The following IARS2 variants were observed in gnomAD, a reference collection of about 807,000 sequenced individuals.
The protein encoded by IARS2 is isoleucyl-tRNA synthetase 2, mitochondrial.
A neutral mutation model predicts 126.3 loss-of-function variants in IARS2; 56 were observed. The ratio of observed to expected loss-of-function variants is 0.44; its 90% CI spans 0.36 to 0.55. IARS2 has a LOEUF of 0.55. Among genes scored for constraint, IARS2 ranks in the 20% least tolerant of loss-of-function variants. The pLI is 0.00. For missense variants in IARS2, 1,127 were observed against 1,245.9 expected (o/e 0.90, Z 1.44); for synonymous variants, 407 against 441.1 (o/e 0.92, Z 0.97).
chr1:220,117,960 G>A (rs145979015), intron 12 of IARS2: 143 of 500,050 alleles, frequency 2.9e-4, no homozygotes, highest in African/African-American at 2.7e-3. Flanking sequence ...ATTTCTGAAT[G>A]ATGACTTTAA....
chr1:220,110,746 CTT>C, intron 10 of IARS2, 38 bp from the exon 11 acceptor site: 1 of 1,473,868 alleles, frequency 6.8e-7, no homozygotes, highest in Non-Finnish European at 9.3e-7. Context: ...TTTCACAGTA[CTT>C]TTTAATTATG....
At chr1:220,095,545 C>T (rs1249409806) in intron 1 of IARS2, among the ~76,000 whole-genome samples, 1 of 152,158 alleles carries the variant, frequency 6.6e-6, no homozygotes, top group Non-Finnish European at 1.5e-5. Context: ...AATGTTTCCT[C>T]GTTTAATCTT....
intron 14 of IARS2, among the ~76,000 whole-genome samples, chr1:220,128,904 ATT>A (rs35869552): frequency 1.4e-5 from 2 of 144,482 alleles, no homozygotes; most frequent in Admixed American, 6.9e-5. Flanking sequence ...CTAGAGTGTG[ATT>A]TTTTTTTTTT....
intron 12 of IARS2, among the ~76,000 whole-genome samples, chr1:220,122,404 T>G (rs996308920): frequency 2.0e-5 from 3 of 152,168 alleles, no homozygotes; most frequent in Non-Finnish European, 4.4e-5. Flanking sequence ...TATGCCTGGG[T>G]AAAAGAGCCT....
At chr1:220,106,910 G>A in intron 9 of IARS2, 151 bp from the exon 10 acceptor site, 1 of 598,040 alleles carries the variant, frequency 1.7e-6, no homozygotes, top group Non-Finnish European at 3.0e-6. Flanking sequence ...GGGATTATAG[G>A]CCTGAGTGCC....
At chr1:220,110,964 GT>G (rs1277994940) in intron 11 of IARS2, 27 bp downstream of exon 11, 2 of 1,606,616 alleles carry the variant, frequency 1.2e-6, no homozygotes, top group East Asian at 4.5e-5. Flanking sequence ...GTTTTAACAG[GT>G]CGGGCATATC....
intron 12 of IARS2, chr1:220,118,028 TATTA>T (rs1471866613): frequency 1.2e-5 from 5 of 430,090 alleles, no homozygotes; most frequent in Admixed American, 3.3e-5. Context: ...AGAAAATTGA[TATTA>T]ATTCTTAATC....
intron 17 of IARS2, 71 bp downstream of exon 17, chr1:220,138,114 A>C (rs191562669): frequency 1.3e-6 from 2 of 1,531,988 alleles, no homozygotes; most frequent in African/African-American, 2.7e-5. Context: ...AATGAGACAC[A>C]TTTTGTTTGG....
chr1:220,107,216 A>G, intron 10 of IARS2, 65 bp downstream of exon 10: 1 of 1,013,714 alleles, frequency 9.9e-7, no homozygotes, highest in Non-Finnish European at 1.6e-6. Flanking sequence ...AACCTTTGCT[A>G]CCTATTTTCC....
chr1:220,123,223 C>G (rs1221289807), intron 12 of IARS2, among the ~76,000 whole-genome samples: 2 of 151,516 alleles, frequency 1.3e-5, no homozygotes, highest in African/African-American at 2.4e-5. Flanking sequence ...TGTCATATAA[C>G]TAGGTAGTTA....
intron 12 of IARS2, among the ~76,000 whole-genome samples, chr1:220,120,859 A>G (rs2102829455): frequency 6.6e-6 from 1 of 152,344 alleles, no homozygotes; most frequent in East Asian, 1.9e-4. Flanking sequence ...CTAGAATCTC[A>G]TAATAGAACC....
In IARS2 at chr1:220,141,849, A is replaced by G. The variant is rs778158249; in HGVS notation, c.2461A>G (p.Thr821Ala). Residue 821 changes from threonine (T) to alanine (A), a missense_variant, in exon 20 of 23, where the codon ACT becomes GCT. Thr to Ala is a moderately conservative substitution (Grantham distance 58). Coordinates refer to ENST00000366922, the MANE Select transcript of IARS2 (RefSeq NM_018060.4). Reference protein sequence around the residue: ...ENDPKRRSCQTALVEILDVIV... With the variant: ...ENDPKRRSCQAALVEILDVIV... ...TGACCCCAAACGACGCTCTTGTCAG[A>G]CTGCATTAGTTGAAATTTTGGATGT... The G allele has an allele frequency of 6.2e-7, 1 of 1,614,158 alleles. No individual in the cohort carries two copies. The highest frequency in any genetic ancestry group is 8.5e-7 in the Non-Finnish European group (1 of 1,180,018).
intron 10 of IARS2, among the ~76,000 whole-genome samples, chr1:220,110,030 T>C (rs1028607817): frequency 5.9e-5 from 9 of 152,342 alleles, no homozygotes; most frequent in Non-Finnish European, 7.4e-5. Flanking sequence ...ACGCCTTTGA[T>C]ACCTGGAAGG....
chr1:220,094,525 A>G (rs759929445), intron 1 of IARS2, 42 bp downstream of exon 1: 1 of 1,491,572 alleles, frequency 6.7e-7, no homozygotes, highest in Non-Finnish European at 8.9e-7. Flanking sequence ...GAGAGGCCCG[A>G]TCCGGCCGCG....
intron 2 of IARS2, among the ~76,000 whole-genome samples, chr1:220,098,646 A>G (rs1207276531): frequency 1.3e-5 from 2 of 152,204 alleles, no homozygotes; most frequent in East Asian, 3.9e-4. Flanking sequence ...AAACAAAGCA[A>G]TGCATGAATA....
intron 16 of IARS2, chr1:220,137,518 A>G: frequency 6.3e-6 from 1 of 158,740 alleles, no homozygotes; most frequent in East Asian, 1.8e-4. Flanking sequence ...CCCGCCTAAC[A>G]TCCTGTAACC....
chr1:220,107,247 A>T, intron 10 of IARS2, 96 bp downstream of exon 10: 1 of 744,590 alleles, frequency 1.3e-6, no homozygotes, highest in Admixed American at 2.3e-5. Context: ...TTTAACAGAA[A>T]CAAAAAAATA....
Position 220,148,032 on chromosome 1 carries a change from T to A in IARS2, c.*397T>A, listed in dbSNP as rs893329929. The A allele has an allele frequency of 3.5e-5, 13 of 373,138 alleles. No individual in the cohort carries two copies. Among genetic ancestry groups the A allele is most frequent in the African/African-American group, 2.5e-4 (12 of 48,180 alleles). The allele number at this position is 373,138 out of a possible 1,614,324, so 23.1% of individuals were successfully genotyped here. A position where few individuals can be genotyped will look rare whatever the true frequency, so the allele number is the denominator to read the frequency against. ...TATGATACTGAAAATAAAGGCATTC[T>A]GGAAAAATACTGACTGATTTTGGTG... On this transcript the variant is annotated 3_prime_UTR_variant, in exon 23 of 23. Transcript: ENST00000366922.
At chr1:220,096,501 A>G (rs1656446100) in intron 2 of IARS2, among the ~76,000 whole-genome samples, 1 of 152,204 alleles carries the variant, frequency 6.6e-6, no homozygotes, top group Non-Finnish European at 1.5e-5. Context: ...CAGTGGACAA[A>G]AAAAAGGTAT....
Sources: gnomAD v4.1 joint callset for allele counts (sites outside exome capture counted in the v4.1 genomes callset) on GRCh38, gnomAD v4.1.1 for gene constraint, MANE v1.5 for transcripts, NCBI Gene and HGNC (gene_info 2026-07-23, HGNC 2026-07-21) for gene names.